MAGEA12: variants seen among roughly 807,000 people sequenced by gnomAD.
MAGEA12 encodes melanoma-associated antigen 12.
For missense variants in MAGEA12, 235 were observed against 240.1 expected, an observed-to-expected ratio of 0.98 and a Z score of 0.14; for synonymous variants, 135 against 104.7, an observed-to-expected ratio of 1.29 and a Z score of -1.77.
intron 1 of MAGEA12, 132 bp downstream of exon 1, chrX:152,733,991 T>G (rs1435174249): frequency 9.2e-6 from 1 of 109,145 alleles, no homozygotes; most frequent in African/African-American, 3.4e-5. Flanking sequence ...CGCCACCACC[T>G]CACCCCGCCA....
intron 1 of MAGEA12, chrX:152,734,116 C>G (rs1189082493): frequency 1.9e-5 from 2 of 104,268 alleles, no homozygotes; most frequent in African/African-American, 6.9e-5. Flanking sequence ...GTCAGGACCC[C>G]AAGAGGGGAC....
intron 1 of MAGEA12, 160 bp downstream of exon 1, chrX:152,734,019 CG>C (rs1932234459): frequency 9.0e-6 from 1 of 110,912 alleles, no homozygotes; most frequent in East Asian, 2.9e-4. Context: ...CCGCTTTAAC[CG>C]CAGGGAACTC....
At chrX:152,735,603 C>T (rs1320276000) in intron 2 of MAGEA12, among the ~76,000 whole-genome samples, 1 of 112,027 alleles carries the variant, frequency 8.9e-6, no homozygotes, top group Non-Finnish European at 1.9e-5. Context: ...CCCCTCATGT[C>T]CTTCTGTACC....
chrX:152,736,002 C>T, intron 2 of MAGEA12, 85 bp from the exon 3 acceptor site: 1 of 557,462 alleles, frequency 1.8e-6, no homozygotes, highest in East Asian at 3.6e-5. Flanking sequence ...GAGCGCCTGG[C>T]CTCACCCTCC....
chrX:152,737,552 G>T lies in MAGEA12; in HGVS notation c.*446G>T, dbSNP rs1170691067. On this transcript the variant is annotated 3_prime_UTR_variant, in exon 3 of 3. Transcript: ENST00000393869. Reference sequence around the variant, plus strand: ...AGATAAAGACCTCAAGAAGTTAAAAGATACTTAATTCTTGCCTTATACCTC... The same window carrying T: ...AGATAAAGACCTCAAGAAGTTAAAATATACTTAATTCTTGCCTTATACCTC... The T allele has an allele frequency of 9.5e-5, 21 of 221,132 alleles. No individual in the cohort carries two copies. The highest frequency in any genetic ancestry group is 6.3e-4 in the African/African-American group (21 of 33,579). 18.2% of individuals were successfully genotyped at this position (221,132 alleles called of 1,213,427 possible).
At chrX:152,735,766 C>G (rs1351197072) in intron 2 of MAGEA12, among the ~76,000 whole-genome samples, 1 of 112,149 alleles carries the variant, frequency 8.9e-6, no homozygotes, top group African/African-American at 3.2e-5. Flanking sequence ...CTGGCCGACC[C>G]TCCTGACAAT....
At position 152,736,112 on chromosome X, in the gene MAGEA12, A is replaced by C; in HGVS notation, c.-50A>C. On this transcript the variant is annotated 5_prime_UTR_variant, in exon 3 of 3. Transcript: ENST00000393869. ...GTTCTGAGGAGACAGGCCCCGGAGC[A>C]GCACTAGCTCCTGCCCACACTCCTA... 3 of 1,166,931 alleles carry C rather than the reference A, an allele frequency of 2.6e-6. No homozygotes were observed. Among genetic ancestry groups the C allele is most frequent in the Non-Finnish European group, 3.5e-6 (3 of 867,733 alleles).
At position 152,736,138 on chromosome X, in the gene MAGEA12, C is replaced by T. The variant is rs1932314773; in HGVS notation, c.-24C>T. Reference sequence around the variant, plus strand: ...GCACTAGCTCCTGCCCACACTCCTACCTGCTGCCCTGACCAGAGTCATCAT... The same window carrying T: ...GCACTAGCTCCTGCCCACACTCCTATCTGCTGCCCTGACCAGAGTCATCAT... On this transcript the variant is annotated 5_prime_UTR_variant, in exon 3 of 3. Transcript: ENST00000393869. 2 of 1,201,237 alleles carry T rather than the reference C, an allele frequency of 1.7e-6. No homozygotes were observed. Among genetic ancestry groups the T allele is most frequent in the Admixed American group, 2.2e-5 (1 of 44,809 alleles).
intron 2 of MAGEA12, 137 bp from the exon 3 acceptor site, chrX:152,735,950 C>T: frequency 6.8e-6 from 3 of 444,418 alleles, no homozygotes; most frequent in Non-Finnish European, 1.2e-5. Context: ...GCCTTGAATG[C>T]ACACCAAGGG....
Position 152,736,375 on chromosome X carries a change from C to A in MAGEA12, c.214C>A (p.Pro72Thr), listed in dbSNP as rs782792466. 2 of 1,211,545 alleles carry A rather than the reference C, an allele frequency of 1.7e-6. No homozygotes were observed. The highest frequency in any genetic ancestry group is 4.3e-5 in the Admixed American group (2 of 46,086). Residue 72 changes from proline (P) to threonine (T), a missense_variant, in exon 3 of 3, where the codon CCC becomes ACC. Coordinates refer to ENST00000393869, the MANE Select transcript of MAGEA12 (RefSeq NM_001166387.4). ...PHSPQGASTL[P>T]TTINYTLWSQ... ...CAGTCCTCAGGGAGCCTCCACCCTC[C>A]CCACTACCATCAACTATACTCTCTG...
intron 1 of MAGEA12, among the ~76,000 whole-genome samples, 186 bp from the exon 2 acceptor site, chrX:152,734,962 G>A (rs1452684825): frequency 8.9e-6 from 1 of 112,239 alleles, no homozygotes; most frequent in African/African-American, 3.2e-5. Flanking sequence ...TAAGGTGTTG[G>A]TGTAAAGAGG....
Position 152,737,177 on chromosome X carries a change from C to T in MAGEA12, c.*71C>T. On this transcript the variant is annotated 3_prime_UTR_variant, in exon 3 of 3. Transcript: ENST00000393869. ...CCAGTGCACCTTCCAAGGCCCCATC[C>T]ATTAGTTTCCACTGCCTCGTGTGAC... 3 of 1,025,047 alleles carry T rather than the reference C, an allele frequency of 2.9e-6. No homozygotes were observed. The highest frequency in any genetic ancestry group is 4.1e-6 in the Non-Finnish European group (3 of 734,314). The allele number at this position is 1,025,047 out of a possible 1,213,427, so 84.5% of individuals were successfully genotyped here. A position where few individuals can be genotyped will look rare whatever the true frequency, so the allele number is the denominator to read the frequency against.
chrX:152,734,349 A>C lies in MAGEA12; in HGVS notation c.-182+490A>C, dbSNP rs782716406. On this transcript the variant is annotated intron_variant, in intron 1 of 2. Coordinates refer to ENST00000393869, the MANE Select transcript of MAGEA12 (RefSeq NM_001166387.4). Reference sequence around the variant, plus strand: ...CAAGCACGCGGATCCTGACGTTCACATCTGTGGCTCAGGGAGGGAAGGGGG... The same window carrying C: ...CAAGCACGCGGATCCTGACGTTCACCTCTGTGGCTCAGGGAGGGAAGGGGG... Among the ~76,000 whole-genome samples the C allele has an allele frequency of 2.7e-5, 3 of 111,437 alleles. No individual in the cohort carries two copies. The South Asian group carries it at 1.1e-3, about 42-fold the overall frequency.
Position 152,736,080 on chromosome X carries a change from C to A in MAGEA12, c.-75-7C>A. 1 of 1,048,408 alleles carries A rather than the reference C, an allele frequency of 9.5e-7. No individual in the cohort carries two copies. The highest frequency in any genetic ancestry group is 2.8e-5 in the Admixed American group (1 of 35,773). The allele number at this position is 1,048,408 out of a possible 1,213,427, so 86.4% of individuals were successfully genotyped here. On this transcript the variant is annotated splice_region_variant and splice_polypyrimidine_tract_variant and intron_variant, in intron 2 of 2. Coordinates refer to ENST00000393869, the MANE Select transcript of MAGEA12 (RefSeq NM_001166387.4). ...ACCCTGAGGCGCCCTCTCACTTGTT[C>A]CTTCAGGTTCTGAGGAGACAGGCCC...
At position 152,734,424 on chromosome X, in the gene MAGEA12, C is replaced by T. The variant is rs1438428303; in HGVS notation, c.-182+565C>T. On this transcript the variant is annotated intron_variant, in intron 1 of 2. Coordinates refer to ENST00000393869, the MANE Select transcript of MAGEA12 (RefSeq NM_001166387.4). ...GGAAGCAGAGGATGGGCCCAAGCCC[C>T]TCCTGGAAGATAATGGAGTCCGGAG... 9.0e-5 allele frequency among the ~76,000 whole-genome samples: 10 copies of T among 111,405 alleles called. No homozygotes were observed. In the Admixed American group the frequency reaches 9.4e-4, roughly 10 times the overall value.
intron 2 of MAGEA12, 133 bp from the exon 3 acceptor site, chrX:152,735,954 C>T (rs1932308044): frequency 4.4e-6 from 2 of 449,452 alleles, no homozygotes; most frequent in Non-Finnish European, 7.7e-6. Context: ...TGAATGCACA[C>T]CAAGGGCCGC....
chrX:152,736,245 G>C lies in MAGEA12; in HGVS notation c.84G>C (p.Ala28=), dbSNP rs782549225. The stretch of plus-strand genomic sequence containing the variant: ...GAGAGGCCCTGGGCTTGGTGGGTGC[G>C]CAGGCTCCTGCTACTGAGGAGCAGG... ...AQGEALGLVG[A]QAPATEEQET... Residue 28 remains alanine, a synonymous_variant, in exon 3 of 3, where the codon GCG becomes GCC. Coordinates refer to ENST00000393869, the MANE Select transcript of MAGEA12 (RefSeq NM_001166387.4). The C allele has an allele frequency of 8.3e-7, 1 of 1,209,631 alleles. No homozygotes were observed. Among genetic ancestry groups the C allele is most frequent in the African/African-American group, 1.8e-5 (1 of 56,976 alleles).
Position 152,736,789 on chromosome X carries a change from G to C in MAGEA12, c.628G>C (p.Ala210Pro). 1 of 1,211,745 alleles carries C rather than the reference G, an allele frequency of 8.3e-7. No homozygotes were observed. Among genetic ancestry groups the C allele is most frequent in the Non-Finnish European group, 1.1e-6 (1 of 895,521 alleles). Residue 210 changes from alanine (A) to proline (P), a missense_variant, in exon 3 of 3, where the codon GCA becomes CCA. Physicochemically the swap from Ala to Pro is conservative, Grantham distance 27 (BLOSUM62 -1). Transcript: ENST00000393869. Reference sequence around the variant, plus strand: ...CCTGATAATCGTCCTGGCCATAATCGCAAAAGAGGGCGACTGTGCCCCTGA... The same window carrying C: ...CCTGATAATCGTCCTGGCCATAATCCCAAAAGAGGGCGACTGTGCCCCTGA... Reference protein sequence around the residue: ...GLLIIVLAIIAKEGDCAPEEK... With the variant: ...GLLIIVLAIIPKEGDCAPEEK...
chrX:152,735,903 G>A (rs1932306424), intron 2 of MAGEA12, among the ~76,000 whole-genome samples, 184 bp from the exon 3 acceptor site: 1 of 112,594 alleles, frequency 8.9e-6, no homozygotes, highest in Non-Finnish European at 1.9e-5. Flanking sequence ...AGGTCACAGA[G>A]CAGAGGGGGT....
Sources: gnomAD v4.1 joint callset for allele counts (sites outside exome capture counted in the v4.1 genomes callset) on GRCh38, gnomAD v4.1.1 for gene constraint, MANE v1.5 for transcripts, NCBI Gene and HGNC (gene_info 2026-07-23, HGNC 2026-07-21) for gene names.